The following COL4A1 variants were observed in gnomAD, a reference collection of about 807,000 sequenced individuals.
COL4A1 encodes collagen alpha-1(IV) chain.
COL4A1 carries 40 observed loss-of-function variants against 216.6 expected under a neutral mutation model. The ratio of observed to expected loss-of-function variants is 0.18; its 90% CI spans 0.14 to 0.24. COL4A1 has a LOEUF of 0.24. Ranked by LOEUF, COL4A1 falls within the 10% of genes least tolerant of loss-of-function variation. COL4A1 has a pLI of 1.00. For missense variants in COL4A1, 1,628 were observed against 2,196.8 expected (o/e 0.74, Z 5.18); for synonymous variants, 839 against 810.7 (o/e 1.03, Z -0.59).
At chr13:110,294,050 A>T (rs766367945) in intron 1 of COL4A1, among the ~76,000 whole-genome samples, 11 of 152,186 alleles carry the variant, frequency 7.2e-5, no homozygotes, top group Non-Finnish European at 1.5e-4. Context: ...TCAAGTGCTC[A>T]TTGTGACCAG....
intron 1 of COL4A1, among the ~76,000 whole-genome samples, chr13:110,253,677 G>T (rs1244322616): frequency 7.5e-6 from 1 of 134,060 alleles, no homozygotes; most frequent in Non-Finnish European, 1.6e-5. Flanking sequence ...GTGTATGTAT[G>T]TATTACATAT....
intron 21 of COL4A1, among the ~76,000 whole-genome samples, chr13:110,196,523 T>G (rs965406915): frequency 3.9e-5 from 6 of 152,168 alleles, no homozygotes; most frequent in South Asian, 2.1e-4. Context: ...ATACTCCTTT[T>G]CCAGAGCATA....
At chr13:110,201,677 G>A (rs780443766) in intron 18 of COL4A1, 155 bp from the exon 19 acceptor site, 8 of 800,230 alleles carry the variant, frequency 1.0e-5, no homozygotes, top group East Asian at 7.3e-5. Flanking sequence ...GGAGGAAGGG[G>A]ATAAGCCTCT....
At chr13:110,233,021 G>A (rs1323517294) in intron 2 of COL4A1, among the ~76,000 whole-genome samples, 1 of 152,186 alleles carries the variant, frequency 6.6e-6, no homozygotes, top group Non-Finnish European at 1.5e-5. Context: ...TATCAGTGAC[G>A]TCCAAGGCAT....
At chr13:110,168,484 A>G (rs1877447168) in intron 43 of COL4A1, among the ~76,000 whole-genome samples, 1 of 152,256 alleles carries the variant, frequency 6.6e-6, no homozygotes, top group African/African-American at 2.4e-5. Flanking sequence ...AGCTTTGAGG[A>G]CAAGGAATGG....
chr13:110,246,156 A>AC (rs1881801775), intron 1 of COL4A1, among the ~76,000 whole-genome samples: 2 of 150,304 alleles, frequency 1.3e-5, no homozygotes, highest in Admixed American at 1.3e-4. Context: ...AAAAAAAAAA[A>AC]CAAAAAAGCT....
chr13:110,292,871 G>A (rs1193860500), intron 1 of COL4A1, among the ~76,000 whole-genome samples: 2 of 152,154 alleles, frequency 1.3e-5, no homozygotes, highest in African/African-American at 4.8e-5. Flanking sequence ...GGAGAAACAG[G>A]ATATGTCCAG....
Position 110,301,453 on chromosome 13 carries a change from C to T in COL4A1, c.84+5491G>A, listed in dbSNP as rs192276108. On this transcript the variant is annotated intron_variant, in intron 1 of 51. Coordinates refer to ENST00000375820, the MANE Select transcript of COL4A1 (RefSeq NM_001845.6). Reference sequence around the variant, plus strand: ...AACCACAACCAGCACCGCTCGAGTGCTTACTTCATGTGCACATGCTCTCCC... The same window carrying T: ...AACCACAACCAGCACCGCTCGAGTGTTTACTTCATGTGCACATGCTCTCCC... Among the ~76,000 whole-genome samples, 10 of 152,360 alleles carry T rather than the reference C, an allele frequency of 6.6e-5. 1 individual carries two copies. Among genetic ancestry groups the T allele is most frequent in the Admixed American group, 5.2e-4 (8 of 15,300 alleles).
At chr13:110,152,964 A>G (rs1262511270) in intron 50 of COL4A1, among the ~76,000 whole-genome samples, 2 of 152,238 alleles carry the variant, frequency 1.3e-5, no homozygotes, top group African/African-American at 4.8e-5. Flanking sequence ...GTAAAGAATA[A>G]TCATTCAATT....
intron 2 of COL4A1, among the ~76,000 whole-genome samples, chr13:110,226,260 G>T (rs927120945): frequency 1.3e-5 from 2 of 152,164 alleles, no homozygotes; most frequent in African/African-American, 4.8e-5. Context: ...TATACTCAAG[G>T]TTTTGTGTTT....
chr13:110,211,770 T>C lies in COL4A1; in HGVS notation c.442-97A>G. 1 of 1,480,910 alleles carries C rather than the reference T, an allele frequency of 6.8e-7. No homozygotes were observed. The highest frequency in any genetic ancestry group is 9.3e-7 in the Non-Finnish European group (1 of 1,077,604). 91.7% of individuals were successfully genotyped at this position (1,480,910 alleles called of 1,614,324 possible). On this transcript the variant is annotated intron_variant, in intron 7 of 51. Coordinates refer to ENST00000375820, the MANE Select transcript of COL4A1 (RefSeq NM_001845.6). The surrounding 1 kb of genome is among the most constrained non-coding windows in gnomAD (Gnocchi z 4.3). ...AATATTATATATAAAATATAAGTTA[T>C]TAAAACATAAGCAAAGAAAGAAAGA... is the stretch of plus-strand genomic sequence containing the variant.
chr13:110,162,587 A>T (rs1877136334), intron 47 of COL4A1, 145 bp from the exon 48 acceptor site: 2 of 708,870 alleles, frequency 2.8e-6, no homozygotes, highest in Non-Finnish European at 4.8e-6. Context: ...AAGTCTAAAA[A>T]GAATGCATGG....
chr13:110,283,944 G>A (rs539424660), intron 1 of COL4A1, among the ~76,000 whole-genome samples: 9 of 152,332 alleles, frequency 5.9e-5, no homozygotes, highest in Middle Eastern at 3.4e-3. Flanking sequence ...AAGGAACAGC[G>A]CTGTATGACA....
At chr13:110,219,724 G>GTATA (rs767634433) in intron 2 of COL4A1, among the ~76,000 whole-genome samples, 1 of 114,784 alleles carries the variant, frequency 8.7e-6, no homozygotes, top group African/African-American at 3.5e-5. Flanking sequence ...GTATATATAT[G>GTATA]TGTGTATATA....
At chr13:110,240,559 C>T (rs919570265) in intron 2 of COL4A1, among the ~76,000 whole-genome samples, 1 of 152,274 alleles carries the variant, frequency 6.6e-6, no homozygotes, top group African/African-American at 2.4e-5. Context: ...CCAGGACAGG[C>T]ACAGACCTCG....
chr13:110,185,289 G>A (rs1226278346), intron 26 of COL4A1, among the ~76,000 whole-genome samples: 1 of 152,028 alleles, frequency 6.6e-6, no homozygotes, highest in Non-Finnish European at 1.5e-5. Flanking sequence ...GGGACTATAG[G>A]TGCCTGCCAC....
rs1200982151 is a variant in COL4A1 at position 110,252,445 on chromosome 13, GTA to G, written c.85-9713_85-9712del. Among the ~76,000 whole-genome samples, 1,034 of 114,028 alleles carry G rather than the reference GTA, an allele frequency of 9.1e-3. 79 individuals carry two copies. Among genetic ancestry groups the G allele is most frequent in the African/African-American group, 0.032 (980 of 30,510 alleles). The allele number at this position is 114,028 out of a possible 152,430, so 74.8% of individuals were successfully genotyped here. ...ATGTATTATATATGTATAATTATAC[GTA>G]TATGTATTATATACATATAATTATA... On this transcript the variant is annotated intron_variant, in intron 1 of 51. Transcript: ENST00000375820.
intron 1 of COL4A1, among the ~76,000 whole-genome samples, chr13:110,280,465 T>C (rs924531589): frequency 9.9e-5 from 15 of 152,250 alleles, no homozygotes; most frequent in African/African-American, 2.7e-4. Flanking sequence ...ATTATGCCAT[T>C]GAAAACGAAA....
intron 1 of COL4A1, among the ~76,000 whole-genome samples, chr13:110,246,988 C>A (rs1475916899): frequency 1.3e-5 from 2 of 152,114 alleles, no homozygotes; most frequent in Non-Finnish European, 2.9e-5. Flanking sequence ...GGGTCTCGGT[C>A]TCTCTTATAA....
Sources: allele counts gnomAD v4.1 joint callset (sites outside exome capture counted in the v4.1 genomes callset), GRCh38; gene constraint gnomAD v4.1.1; non-coding constraint Gnocchi (gnomAD v3.1); transcripts MANE v1.5; gene names NCBI Gene and HGNC (gene_info 2026-07-23, HGNC 2026-07-21).